The following EFCAB12 variants were observed in gnomAD, a reference collection of about 807,000 sequenced individuals.
EFCAB12 encodes the protein EF-hand calcium binding domain 12.
Under a neutral mutation model 53.6 loss-of-function variants are expected in EFCAB12, and 43 were observed. The observed-to-expected ratio is 0.80, with a 90% confidence interval of 0.63 to 1.03. The LOEUF is 1.03. Among genes scored for constraint, EFCAB12 ranks in the 50% least tolerant of loss-of-function variants. The pLI, the probability that EFCAB12 is intolerant of heterozygous loss-of-function variation, is 0.00. For synonymous variants in EFCAB12, 269 were observed against 289.2 expected, an observed-to-expected ratio of 0.93 and a Z score of 0.71; for missense variants, 646 against 730.6, an observed-to-expected ratio of 0.88 and a Z score of 1.34.
chr3:129,418,197 G>T, intron 3 of EFCAB12, 57 bp downstream of exon 3: 1 of 1,477,262 alleles, frequency 6.8e-7, no homozygotes, highest in South Asian at 1.4e-5. Flanking sequence ...GGCAAAGAGG[G>T]AGTACATGTA....
In EFCAB12 at chr3:129,408,809, C is replaced by T. The variant is rs1263791832; in HGVS notation, c.1085G>A (p.Cys362Tyr). The change falls in exon 6 of 9, where the codon TGT (cysteine) becomes TAT (tyrosine). Residue 362 changes from cysteine (C) to tyrosine (Y), a missense_variant. Cys to Tyr is a radical substitution (Grantham distance 194). Coordinates refer to ENST00000505956, the MANE Select transcript of EFCAB12 (RefSeq NM_207307.3). ...QYTEQCHLVR[C>Y]GNRHFDEHCL... The stretch of plus-strand genomic sequence containing the variant: ...GTGCTCATCAAAGTGCCGATTCCCA[C>T]AGCGCACCAGGTGACATTGCTCCGT... 6.3e-7 allele frequency: 1 copy of T among 1,577,640 alleles called. No homozygotes were observed. Among genetic ancestry groups the T allele is most frequent in the Non-Finnish European group, 8.6e-7 (1 of 1,161,456 alleles).
At chr3:129,417,363 A>C (rs1577048200) in intron 3 of EFCAB12, among the ~76,000 whole-genome samples, 1 of 71,776 alleles carries the variant, frequency 1.4e-5, no homozygotes, top group Middle Eastern at 6.0e-3. Flanking sequence ...ACCCAAAACC[A>C]AAAAAAAAAA....
intron 1 of EFCAB12, among the ~76,000 whole-genome samples, chr3:129,422,527 G>C (rs1038231707): frequency 2.0e-5 from 3 of 152,020 alleles, no homozygotes; most frequent in Non-Finnish European, 4.4e-5. Context: ...GCCTCATCCT[G>C]ACTAGGGGTT....
intron 5 of EFCAB12, among the ~76,000 whole-genome samples, 167 bp downstream of exon 5, chr3:129,410,991 G>A (rs190558107): frequency 2.0e-5 from 3 of 152,302 alleles, no homozygotes; most frequent in Non-Finnish European, 4.4e-5. Context: ...TCAGGAGGCA[G>A]GTATTGTTCT....
chr3:129,408,607 C>T lies in EFCAB12; in HGVS notation c.1249+38G>A, dbSNP rs757431992. The T allele has an allele frequency of 3.9e-6, 6 of 1,549,366 alleles. No homozygotes were observed. The African/African-American group carries it at 8.2e-5, about 21-fold the overall frequency. On this transcript the variant is annotated intron_variant, in intron 6 of 8. Transcript: ENST00000505956. ...ACCCTCACCCCAGCTCTGGGGTTCC[C>T]TTGGCATCTTCCTAGGGCCAGCTAC... is the stretch of plus-strand genomic sequence containing the variant.
intron 3 of EFCAB12, among the ~76,000 whole-genome samples, chr3:129,416,283 G>T (rs2072113777): frequency 6.6e-6 from 1 of 152,064 alleles, no homozygotes; most frequent in Admixed American, 6.5e-5. Context: ...CCAGGCATGG[G>T]GACACATGCC....
At chr3:129,428,376 C>T in intron 1 of EFCAB12, 64 bp downstream of exon 1, 1 of 1,558,382 alleles carries the variant, frequency 6.4e-7, no homozygotes, top group Admixed American at 1.9e-5. Context: ...TTTGCCCTCA[C>T]CCCACTTTCA....
chr3:129,427,009 G>A lies in EFCAB12; in HGVS notation c.49+1431C>T, dbSNP rs376386929. Among the ~76,000 whole-genome samples, 6 of 151,208 alleles carry A rather than the reference G, an allele frequency of 4.0e-5. No homozygotes were observed. In the East Asian group the frequency reaches 9.7e-4, roughly 25 times the overall value. ...ACTACAGGCGCCTGCCACCATGCCC[G>A]GCTAATTTTTTGTATTTTTAGTAGA... On this transcript the variant is annotated intron_variant, in intron 1 of 8. Coordinates refer to ENST00000505956, the MANE Select transcript of EFCAB12 (RefSeq NM_207307.3).
chr3:129,425,625 C>T (rs563400718), intron 1 of EFCAB12, among the ~76,000 whole-genome samples: 1 of 152,344 alleles, frequency 6.6e-6, no homozygotes, highest in Non-Finnish European at 1.5e-5. Context: ...ACCAAACCTC[C>T]TCAGGGAGCT....
intron 8 of EFCAB12, 103 bp from the exon 9 acceptor site, chr3:129,401,954 C>T (rs1453998608): frequency 2.1e-6 from 3 of 1,454,640 alleles, no homozygotes; most frequent in Non-Finnish European, 2.8e-6. Flanking sequence ...AGATTTAGCA[C>T]TGTGCCAAGC....
At chr3:129,415,533 C>T (rs1451924631) in intron 3 of EFCAB12, 132 bp from the exon 4 acceptor site, 1 of 1,123,714 alleles carries the variant, frequency 8.9e-7, no homozygotes, top group Admixed American at 2.8e-5. Context: ...CCTACTATAC[C>T]CAAGGTCCCT....
In EFCAB12 at chr3:129,421,576, T is replaced by G. The variant is rs779428255; in HGVS notation, c.277A>C (p.Arg93=). The change falls in exon 2 of 9, where the codon AGA becomes CGA. Residue 93 remains arginine (R), a synonymous_variant. Coordinates refer to ENST00000505956, the MANE Select transcript of EFCAB12 (RefSeq NM_207307.3). ...TCCTCTGGCTGCTCTTGGATATCTC[T>G]AGCTTCCAGAACTTTGAAGCTGGGG... ...PIPSFKVLEA[R]DIQEQPEDRK... 67 of 1,613,792 alleles carry G rather than the reference T, an allele frequency of 4.2e-5. No homozygotes were observed. Among genetic ancestry groups the G allele is most frequent in the Non-Finnish European group, 5.3e-5 (62 of 1,179,802 alleles).
intron 1 of EFCAB12, among the ~76,000 whole-genome samples, chr3:129,423,589 A>C (rs2072215369): frequency 6.6e-6 from 1 of 152,164 alleles, no homozygotes; most frequent in Non-Finnish European, 1.5e-5. Flanking sequence ...GATTACCCGC[A>C]TTGTAATCCA....
intron 8 of EFCAB12, among the ~76,000 whole-genome samples, chr3:129,402,077 G>A (rs999107884): frequency 6.6e-6 from 1 of 152,214 alleles, no homozygotes; most frequent in Admixed American, 6.5e-5. Flanking sequence ...TGAGCAAGTG[G>A]CCAAGTGCAG....
intron 3 of EFCAB12, 61 bp from the exon 4 acceptor site, chr3:129,415,462 C>T: frequency 1.3e-6 from 2 of 1,595,724 alleles, no homozygotes; most frequent in African/African-American, 2.7e-5. Context: ...GCTCTGATGG[C>T]CAAGGCCTTA....
chr3:129,424,574 C>A (rs1192721632), intron 1 of EFCAB12, among the ~76,000 whole-genome samples: 1 of 152,226 alleles, frequency 6.6e-6, no homozygotes, highest in African/African-American at 2.4e-5. Flanking sequence ...TAAACCTCAT[C>A]TCTTTATAAA....
At chr3:129,414,267 C>T (rs544623695) in intron 4 of EFCAB12, 2 of 152,362 alleles carry the variant, frequency 1.3e-5, no homozygotes, top group East Asian at 3.9e-4. Flanking sequence ...TCTGAGCTGC[C>T]TGCTGTCCCC....
Position 129,411,385 on chromosome 3 carries a change from AG to A in EFCAB12, c.839-32del, listed in dbSNP as rs753484033. On this transcript the variant is annotated intron_variant, in intron 4 of 8. Coordinates refer to ENST00000505956, the MANE Select transcript of EFCAB12 (RefSeq NM_207307.3). ...GTCAGAGGGAAGAGATGAAGGAAGG[AG>A]GGACTAAGAGGGTGCCCAGCCACGG... 5 of 1,525,078 alleles carry A rather than the reference AG, an allele frequency of 3.3e-6. No individual in the cohort carries two copies. The African/African-American group carries it at 6.9e-5, about 21-fold the overall frequency. The allele number at this position is 1,525,078 out of a possible 1,614,324, so 94.5% of individuals were successfully genotyped here.
intron 5 of EFCAB12, 71 bp downstream of exon 5, chr3:129,411,087 C>T: frequency 1.3e-6 from 2 of 1,498,178 alleles, no homozygotes; most frequent in Non-Finnish European, 1.8e-6. Flanking sequence ...GCGGGTGGTG[C>T]TGCTGCGGTG....
Sources: allele counts gnomAD v4.1 joint callset (sites outside exome capture counted in the v4.1 genomes callset), GRCh38; gene constraint gnomAD v4.1.1; transcripts MANE v1.5; gene names NCBI Gene and HGNC (gene_info 2026-07-23, HGNC 2026-07-21).